Variants in DGKI observed in about 807,000 individuals in gnomAD.
DGKI encodes DAG kinase iota.
A neutral mutation model predicts 147.5 loss-of-function variants in DGKI; 55 were observed. That is an observed-to-expected ratio of 0.37 (90% CI 0.30 to 0.47). The LOEUF (loss-of-function observed/expected upper bound fraction) is 0.47. Ranked by LOEUF, DGKI falls within the 20% of genes least tolerant of loss-of-function variation. DGKI has a pLI of 1.00. For missense variants in DGKI, 1,007 were observed against 1,323.8 expected (o/e 0.76, Z 3.71); for synonymous variants, 469 against 477.1 (o/e 0.98, Z 0.22).
intron 19 of DGKI, among the ~76,000 whole-genome samples, chr7:137,569,500 G>T (rs545212820): frequency 7.9e-5 from 12 of 151,880 alleles, no homozygotes; most frequent in African/African-American, 2.4e-4. Context: ...AGGCTGAGGT[G>T]GGTGGACCAC....
chr7:137,681,471 T>G (rs1266723270), intron 2 of DGKI, among the ~76,000 whole-genome samples: 1 of 152,238 alleles, frequency 6.6e-6, no homozygotes, highest in African/African-American at 2.4e-5. Context: ...ACCTAAAATA[T>G]TCTACTACTG....
intron 23 of DGKI, among the ~76,000 whole-genome samples, chr7:137,481,448 G>T (rs1047862773): frequency 6.6e-6 from 1 of 152,126 alleles, no homozygotes; most frequent in East Asian, 1.9e-4. Flanking sequence ...TCCTAAATCT[G>T]CAAGTGCAAT....
At chr7:137,552,653 A>C in intron 19 of DGKI, 85 bp from the exon 20 acceptor site, 1 of 1,435,704 alleles carries the variant, frequency 7.0e-7, no homozygotes, top group Middle Eastern at 2.2e-4. Flanking sequence ...TCATGCCTGT[A>C]ATCCCAGCAC....
chr7:137,782,020 G>C (rs888027214), intron 1 of DGKI, among the ~76,000 whole-genome samples: 8 of 152,170 alleles, frequency 5.3e-5, no homozygotes, highest in Non-Finnish European at 1.2e-4. Context: ...AGCAGCATGT[G>C]GAGACTCACA....
chr7:137,503,402 C>T (rs1244195336), intron 21 of DGKI, among the ~76,000 whole-genome samples: 1 of 152,056 alleles, frequency 6.6e-6, no homozygotes, highest in Non-Finnish European at 1.5e-5. Context: ...AACTGAAGAC[C>T]TCAATGACAG....
intron 6 of DGKI, among the ~76,000 whole-genome samples, chr7:137,635,127 G>T (rs185778847): frequency 6.6e-6 from 1 of 152,064 alleles, no homozygotes; most frequent in Admixed American, 6.6e-5. Context: ...TAGACACAAC[G>T]CAGGTACCAT....
rs1272079291 is a variant in DGKI at position 137,407,913 on chromosome 7, G to C, written c.2882C>G (p.Thr961Ser). 1.2e-6 allele frequency: 2 copies of C among 1,614,116 alleles called. No homozygotes were observed. The highest frequency in any genetic ancestry group is 4.5e-5 in the East Asian group (2 of 44,882). The change falls in exon 30 of 33, where the codon ACC becomes AGC. Residue 961 changes from threonine to serine, a missense_variant. Around this residue, in one of 5 missense-constraint regions of DGKI, gnomAD observed 385 missense variants for 445.2 expected, o/e 0.86. Coordinates refer to ENST00000614521, the MANE Select transcript of DGKI (RefSeq NM_001321708.2). ...ATATTTCACAATCTCCCCGTTGCCG[G>C]TTTTAGCTGCGTAGTGAAGGAGTGA... ...HCSLLHYAAK[T>S]GNGEIVKYIL... is the part of the protein sequence containing the mutation.
chr7:137,448,431 A>G (rs1313148305), intron 27 of DGKI, among the ~76,000 whole-genome samples: 4 of 149,784 alleles, frequency 2.7e-5, no homozygotes, highest in African/African-American at 9.8e-5. Context: ...TAAAAAGATG[A>G]TGGCATAAAG....
chr7:137,555,116 G>A (rs962053364), intron 19 of DGKI, among the ~76,000 whole-genome samples: 24 of 151,522 alleles, frequency 1.6e-4, no homozygotes, highest in Non-Finnish European at 1.5e-4. Context: ...AGGTTTCACC[G>A]TGTTGGCCAG....
chr7:137,497,888 G>A (rs1816025688), intron 21 of DGKI, among the ~76,000 whole-genome samples: 1 of 151,846 alleles, frequency 6.6e-6, no homozygotes. Flanking sequence ...GAAATAATCT[G>A]CACACTAAAC....
chr7:137,628,017 G>A (rs1214927131), intron 6 of DGKI, among the ~76,000 whole-genome samples: 1 of 152,182 alleles, frequency 6.6e-6, no homozygotes, highest in African/African-American at 2.4e-5. Context: ...TATTTAATGT[G>A]TGTTTATATA....
intron 21 of DGKI, among the ~76,000 whole-genome samples, chr7:137,492,803 G>A (rs1815816949): frequency 6.6e-6 from 1 of 152,186 alleles, no homozygotes; most frequent in Admixed American, 6.5e-5. Flanking sequence ...AGTGACCCCT[G>A]TATGCTGGCA....
In DGKI at chr7:137,471,696, G is replaced by A. The variant is rs186917910; in HGVS notation, c.2374-2077C>T. 2.0e-3 allele frequency among the ~76,000 whole-genome samples: 311 copies of A among 152,008 alleles called. 3 individuals are homozygous for A. Among genetic ancestry groups the A allele is most frequent in the African/African-American group, 7.0e-3 (289 of 41,454 alleles). On this transcript the variant is annotated intron_variant, in intron 23 of 32. Coordinates refer to ENST00000614521, the MANE Select transcript of DGKI (RefSeq NM_001321708.2). ...TGCATCTTAGTAAACTAGAAACCTG[G>A]AGTGTATGGAGTTTTACTCTAAATG...
intron 19 of DGKI, among the ~76,000 whole-genome samples, chr7:137,564,019 G>GT (rs1175284924): frequency 6.6e-6 from 1 of 152,014 alleles, no homozygotes; most frequent in Non-Finnish European, 1.5e-5. Context: ...CAGATTCAAG[G>GT]GTTACCATAC....
chr7:137,707,331 G>T (rs564624885), intron 1 of DGKI, among the ~76,000 whole-genome samples: 3 of 152,346 alleles, frequency 2.0e-5, no homozygotes, highest in African/African-American at 7.2e-5. Context: ...GCCTTGGCAA[G>T]CCATCAGGGC....
At chr7:137,676,710 A>G (rs1405023531) in intron 3 of DGKI, among the ~76,000 whole-genome samples, 1 of 152,230 alleles carries the variant, frequency 6.6e-6, no homozygotes, top group Non-Finnish European at 1.5e-5. Flanking sequence ...GTTTCTTCCT[A>G]CTTCTACCTA....
intron 1 of DGKI, among the ~76,000 whole-genome samples, chr7:137,717,205 G>A (rs1794404820): frequency 6.6e-6 from 1 of 152,218 alleles, no homozygotes; most frequent in Admixed American, 6.5e-5. Flanking sequence ...TCAAAAGAGT[G>A]GCTTTCTTCA....
At chr7:137,662,496 G>A (rs1261542083) in intron 3 of DGKI, among the ~76,000 whole-genome samples, 1 of 150,986 alleles carries the variant, frequency 6.6e-6, no homozygotes, top group Non-Finnish European at 1.5e-5. Context: ...ACCTGCCTTG[G>A]CCTCCCAAAG....
At chr7:137,689,622 C>T (rs1008025268) in intron 2 of DGKI, among the ~76,000 whole-genome samples, 6 of 152,200 alleles carry the variant, frequency 3.9e-5, no homozygotes, top group Non-Finnish European at 5.9e-5. Flanking sequence ...ATAAAGACTG[C>T]GCACGAGGTA....
Sources: gnomAD v4.1 joint callset for allele counts (sites outside exome capture counted in the v4.1 genomes callset) on GRCh38, gnomAD v4.1.1 for gene constraint, gnomAD v4.1.1 regional missense constraint, MANE v1.5 for transcripts, NCBI Gene and HGNC (gene_info 2026-07-23, HGNC 2026-07-21) for gene names.